The following TLN1 variants were observed in gnomAD, a reference collection of about 807,000 sequenced individuals.
TLN1 encodes the protein talin-1.
In TLN1, 56 loss-of-function variants were observed where a neutral mutation model predicts 292.3. That is an observed-to-expected ratio of 0.19 (90% CI 0.15 to 0.24). The LOEUF is 0.24. Ranked by LOEUF, TLN1 falls within the 10% of genes least tolerant of loss-of-function variation. The pLI is 1.00. For synonymous variants in TLN1, 1,119 were observed against 1,253.7 expected, an observed-to-expected ratio of 0.89 and a Z score of 2.27; for missense variants, 2,433 against 3,248.2, an observed-to-expected ratio of 0.75 and a Z score of 6.10.
chr9:35,700,822 A>G (rs1825452725), intron 48 of TLN1, among the ~76,000 whole-genome samples: 1 of 152,238 alleles, frequency 6.6e-6, no homozygotes. Context: ...TGTGAAAGTC[A>G]TAAAATATTT....
chr9:35,711,288 G>A lies in TLN1; in HGVS notation c.3986C>T (p.Pro1329Leu). 6.2e-7 allele frequency: 1 copy of A among 1,614,188 alleles called. No homozygotes were observed. The highest frequency in any genetic ancestry group is 8.5e-7 in the Non-Finnish European group (1 of 1,180,044). The change falls in exon 30 of 57, where the codon CCT (proline) becomes CTT (leucine). Residue 1329 changes from proline (P) to leucine (L), a missense_variant. Pro to Leu is a moderately conservative substitution (Grantham distance 98). Around this residue, in one of 7 missense-constraint regions of TLN1, gnomAD observed 1,384 missense variants for 1,699.6 expected, o/e 0.81. Coordinates refer to ENST00000314888, the MANE Select transcript of TLN1 (RefSeq NM_006289.4). ...TGCAGCCAGCTGACTCTTGAGGTTAGGGGCAGCAGGGTCCGTGGACAGGGC... is the reference window on the plus strand; with the variant it reads ...TGCAGCCAGCTGACTCTTGAGGTTAAGGGCAGCAGGGTCCGTGGACAGGGC... Reference protein sequence around the residue: ...AKALSTDPAAPNLKSQLAAAA... With the variant: ...AKALSTDPAALNLKSQLAAAA...
At position 35,704,134 on chromosome 9, in the gene TLN1, T is replaced by A. The variant is rs773175504; in HGVS notation, c.6088A>T (p.Thr2030Ser). Reference sequence around the variant, plus strand: ...GCTGCGTTTTGCACCAGGACCTTGGTGTCCTCCACCAGCACCTTCGCAGTC... The same window carrying A: ...GCTGCGTTTTGCACCAGGACCTTGGAGTCCTCCACCAGCACCTTCGCAGTC... ...LKTAKVLVED[T>S]KVLVQNAAGS... is the part of the protein sequence containing the mutation. The change falls in exon 46 of 57, where the codon ACC becomes TCC. Residue 2030 changes from threonine (T) to serine (S), a missense_variant. Physicochemically the swap from Thr to Ser is moderately conservative, Grantham distance 58. Transcript: ENST00000314888. This position sits in a 1 kb window ranked among gnomAD's most constrained non-coding sequence, Gnocchi z 6.9. 2 of 1,611,762 alleles carry A rather than the reference T, an allele frequency of 1.2e-6. No individual in the cohort carries two copies. Among genetic ancestry groups the A allele is most frequent in the South Asian group, 2.2e-5 (2 of 90,872 alleles).
chr9:35,730,942 G>C (rs1424260676), intron 1 of TLN1, among the ~76,000 whole-genome samples: 1 of 152,070 alleles, frequency 6.6e-6, no homozygotes. Flanking sequence ...TTGTGACTAG[G>C]CCTTGTACAT....
Position 35,721,706 on chromosome 9 carries a change from T to C in TLN1, c.1046A>G (p.Gln349Arg). 3 of 1,614,204 alleles carry C rather than the reference T, an allele frequency of 1.9e-6. No individual in the cohort carries two copies. Among genetic ancestry groups the C allele is most frequent in the Non-Finnish European group, 2.5e-6 (3 of 1,180,000 alleles). The change falls in exon 10 of 57, where the codon CAG (glutamine) becomes CGG (arginine). Residue 349 changes from glutamine (Q) to arginine (R), a missense_variant. Physicochemically the swap from Gln to Arg is conservative, Grantham distance 43. Transcript: ENST00000314888. ...RVDEKTKEVI[Q>R]EWNLTNIKRW... ...TTTGATGTTGGTGAGGTTCCACTCC[T>C]GGATCACTTCCTTGGTCTTCTCATC... is the stretch of plus-strand genomic sequence containing the variant.
rs2131878543 is a variant in TLN1, at chr9:35,698,797, T to A, written c.7125+11A>T. The A allele has an allele frequency of 5.0e-6, 8 of 1,613,894 alleles. No individual in the cohort carries two copies. The East Asian group carries it at 1.6e-4, about 31-fold the overall frequency. On this transcript the variant is annotated intron_variant, in intron 53 of 56. Coordinates refer to ENST00000314888, the MANE Select transcript of TLN1 (RefSeq NM_006289.4). The surrounding 1 kb of genome is among the most constrained non-coding windows in gnomAD (Gnocchi z 5.3). The stretch of plus-strand genomic sequence containing the variant: ...ACCTGTCCCCATTCTTCTGGGTATT[T>A]AAGCACTCACCTTCCCTTGGGCCAC...
rs771814953 is a variant in TLN1, at chr9:35,724,104, G to A, written c.655-25C>T. The stretch of plus-strand genomic sequence containing the variant: ...CCTGGAGAGCACAGGGCAAGGAGGC[G>A]AATGTTGTGTGTGGGTGCAAGGACA... On this transcript the variant is annotated intron_variant, in intron 6 of 56. Coordinates refer to ENST00000314888, the MANE Select transcript of TLN1 (RefSeq NM_006289.4). This position sits in a 1 kb window ranked among gnomAD's most constrained non-coding sequence, Gnocchi z 4.7. 4.0e-5 allele frequency: 65 copies of A among 1,612,672 alleles called. No homozygotes were observed. The East Asian group carries it at 5.3e-4, about 13-fold the overall frequency.
At chr9:35,716,337 G>A in intron 20 of TLN1, 53 bp downstream of exon 20, 1 of 1,602,958 alleles carries the variant, frequency 6.2e-7, no homozygotes, top group Admixed American at 1.7e-5. Flanking sequence ...CATCTGGACT[G>A]CTCTACTTCC....
rs1035335431 is a variant in TLN1 at position 35,714,613 on chromosome 9, A to G, written c.2946T>C (p.Ala982=). Residue 982 remains alanine, a synonymous_variant, in exon 23 of 57, where the codon GCT becomes GCC. Transcript: ENST00000314888. The surrounding 1 kb of genome is among the most constrained non-coding windows in gnomAD (Gnocchi z 4.6). The stretch of plus-strand genomic sequence containing the variant: ...GGCTGGCAGCAATGAGGGCAAGCTG[A>G]GCGCTGGGGCTGTCAGGCTGGGCTT... The part of the protein sequence containing the change: ...GSQAQPDSPS[A]QLALIAASQS... 6.2e-7 allele frequency: 1 copy of G among 1,613,062 alleles called. No homozygotes were observed. Among genetic ancestry groups the G allele is most frequent in the Non-Finnish European group, 8.5e-7 (1 of 1,180,012 alleles).
intron 17 of TLN1, among the ~76,000 whole-genome samples, chr9:35,718,108 G>A (rs945416772): frequency 5.5e-4 from 84 of 152,198 alleles, no homozygotes; most frequent in African/African-American, 2.0e-3. Context: ...GGTATCTCCT[G>A]GGATCCCTCC....
At chr9:35,709,444 C>T (rs1191834396) in intron 33 of TLN1, among the ~76,000 whole-genome samples, 1 of 152,190 alleles carries the variant, frequency 6.6e-6, no homozygotes, top group Admixed American at 6.5e-5. Context: ...CTGAAGTGAA[C>T]TCTTATGATG....
At position 35,707,196 on chromosome 9, in the gene TLN1, C is replaced by T. The variant is rs1235179044; in HGVS notation, c.4831G>A (p.Gly1611Arg). 10 of 1,608,378 alleles carry T rather than the reference C, an allele frequency of 6.2e-6. No individual in the cohort carries two copies. The highest frequency in any genetic ancestry group is 1.1e-5 in the South Asian group (1 of 90,826). Reference sequence around the variant, plus strand: ...GCCCGGGCTGTCTGGATGAGTCCCCCGGCACTCTCTAACATTGTCTTGGCA... The same window carrying T: ...GCCCGGGCTGTCTGGATGAGTCCCCTGGCACTCTCTAACATTGTCTTGGCA... ...ISAKTMLESA[G>R]GLIQTARALA... is the part of the protein sequence containing the mutation. Residue 1611 changes from glycine to arginine, a missense_variant, in exon 37 of 57, where the codon GGG (glycine) becomes AGG (arginine). Physicochemically the swap from Gly to Arg is moderately radical, Grantham distance 125. Transcript: ENST00000314888. This position sits in a 1 kb window ranked among gnomAD's most constrained non-coding sequence, Gnocchi z 5.6.
In TLN1 at chr9:35,717,036, C is replaced by T. The variant is rs1417400772; in HGVS notation, c.2458+110G>A. 4 of 1,279,840 alleles carry T rather than the reference C, an allele frequency of 3.1e-6. No individual in the cohort carries two copies. Among genetic ancestry groups the T allele is most frequent in the Non-Finnish European group, 3.2e-6 (3 of 933,764 alleles). The allele number at this position is 1,279,840 out of a possible 1,614,324, so 79.3% of individuals were successfully genotyped here. On this transcript the variant is annotated intron_variant, in intron 19 of 56. Coordinates refer to ENST00000314888, the MANE Select transcript of TLN1 (RefSeq NM_006289.4). The surrounding 1 kb of genome is among the most constrained non-coding windows in gnomAD (Gnocchi z 4.7). The stretch of plus-strand genomic sequence containing the variant: ...TGGTTGTGTGGCTGGCAAGCCCACA[C>T]TGTGCTGAGTTCCTTGGGGTGAAGT...
chr9:35,713,615 C>T (rs1260677187), intron 25 of TLN1, among the ~76,000 whole-genome samples: 1 of 151,822 alleles, frequency 6.6e-6, no homozygotes, highest in African/African-American at 2.4e-5. Flanking sequence ...ACCCAGGAGG[C>T]AGAGGTTGCA....
At chr9:35,725,536 A>G (rs1825961521) in intron 2 of TLN1, 29 bp downstream of exon 2, 16 of 1,607,082 alleles carry the variant, frequency 1.0e-5, no homozygotes, top group Non-Finnish European at 1.4e-5. Context: ...GAAGACTCCC[A>G]CTCCAGCCAC....
At chr9:35,725,461 T>A in intron 2 of TLN1, 104 bp downstream of exon 2, 1 of 1,544,284 alleles carries the variant, frequency 6.5e-7, no homozygotes, top group Non-Finnish European at 8.8e-7. Flanking sequence ...ACCTGAGGGG[T>A]GAGTAGTCTT....
chr9:35,710,907 G>C (rs41298204), intron 31 of TLN1, 21 bp from the exon 32 acceptor site: 288 of 1,614,066 alleles, frequency 1.8e-4, no homozygotes, highest in Non-Finnish European at 2.4e-4. Flanking sequence ...GGAGGGCAAA[G>C]TGAGATCCAA....
chr9:35,724,478 C>A lies in TLN1; in HGVS notation c.511+94G>T. The stretch of plus-strand genomic sequence containing the variant: ...ACTTTGTTTTCTCACTGATGTATCC[C>A]CAGGGTGTAAAACAGTGCCTGGCAG... On this transcript the variant is annotated intron_variant, in intron 5 of 56. Coordinates refer to ENST00000314888, the MANE Select transcript of TLN1 (RefSeq NM_006289.4). This position sits in a 1 kb window ranked among gnomAD's most constrained non-coding sequence, Gnocchi z 4.7. 6.4e-7 allele frequency: 1 copy of A among 1,566,344 alleles called. No individual in the cohort carries two copies. Among genetic ancestry groups the A allele is most frequent in the South Asian group, 1.2e-5 (1 of 84,746 alleles).
At chr9:35,710,929 C>T (rs768741422) in intron 31 of TLN1, 43 bp from the exon 32 acceptor site, 1 of 1,613,844 alleles carries the variant, frequency 6.2e-7, no homozygotes, top group South Asian at 1.1e-5. Flanking sequence ...ACACCTCCCT[C>T]AGGCCCAAAA....
chr9:35,704,887 T>C lies in TLN1; in HGVS notation c.5734-72A>G. ...GGTACCTTCACTGTGCTTGGAAAAG[T>C]CACTAAGGACATAGAAAAAAACATG... On this transcript the variant is annotated intron_variant, in intron 43 of 56. Coordinates refer to ENST00000314888, the MANE Select transcript of TLN1 (RefSeq NM_006289.4). The surrounding 1 kb of genome is among the most constrained non-coding windows in gnomAD (Gnocchi z 6.9). 1 of 1,503,494 alleles carries C rather than the reference T, an allele frequency of 6.7e-7. No homozygotes were observed. The highest frequency in any genetic ancestry group is 9.0e-7 in the Non-Finnish European group (1 of 1,116,670). The allele number at this position is 1,503,494 out of a possible 1,614,324, so 93.1% of individuals were successfully genotyped here. A position where few individuals can be genotyped will look rare whatever the true frequency, so the allele number is the denominator to read the frequency against.
Sources: allele counts gnomAD v4.1 joint callset (sites outside exome capture counted in the v4.1 genomes callset), GRCh38; gene constraint gnomAD v4.1.1; regional missense constraint gnomAD v4.1.1; non-coding constraint Gnocchi (gnomAD v3.1); transcripts MANE v1.5; gene names NCBI Gene and HGNC (gene_info 2026-07-23, HGNC 2026-07-21).